AFDN: variants seen among roughly 807,000 people sequenced by gnomAD.
The protein encoded by AFDN is afadin, adherens junction formation factor, also known as afadin.
AFDN carries 68 observed loss-of-function variants against 216.6 expected under a neutral mutation model. The observed-to-expected ratio is 0.31, with a 90% CI of 0.26 to 0.38. The LOEUF is 0.38. Ranked by LOEUF, AFDN falls within the 10% of genes least tolerant of loss-of-function variation. The pLI is 1.00. For synonymous variants in AFDN, 868 were observed against 853.7 expected (o/e 1.02, Z -0.29); for missense variants, 2,136 against 2,342.0 (o/e 0.91, Z 1.82).
chr6:167,938,037 GGTAGCT>G (rs1794223099), intron 23 of AFDN, among the ~76,000 whole-genome samples: 2 of 152,274 alleles, frequency 1.3e-5, no homozygotes, highest in African/African-American at 2.4e-5. Flanking sequence ...CATTTGCAGA[GGTAGCT>G]GTAATGCAGG....
At chr6:167,967,472 T>TA (rs1175471601) in intron 32 of AFDN, among the ~76,000 whole-genome samples, 3 of 152,218 alleles carry the variant, frequency 2.0e-5, no homozygotes, top group Non-Finnish European at 2.9e-5. Context: ...TATCTACAAT[T>TA]TGGTACCTTT....
intron 1 of AFDN, among the ~76,000 whole-genome samples, chr6:167,845,989 AT>A (rs1190304123): frequency 6.6e-6 from 1 of 152,044 alleles, no homozygotes; most frequent in African/African-American, 2.4e-5. Flanking sequence ...CCAGATGCTT[AT>A]AAAACCATCA....
intron 9 of AFDN, among the ~76,000 whole-genome samples, chr6:167,896,532 G>A (rs1788271491): frequency 6.6e-6 from 1 of 152,228 alleles, no homozygotes. Context: ...GAAGGCCTGT[G>A]TGTCTTTGAT....
At chr6:167,887,177 T>C (rs1056965981) in intron 6 of AFDN, among the ~76,000 whole-genome samples, 2 of 152,150 alleles carry the variant, frequency 1.3e-5, no homozygotes, top group African/African-American at 4.8e-5. Flanking sequence ...ATCTTTTTCT[T>C]TTCAGTAATT....
In AFDN at chr6:167,947,960, A is replaced by C. The variant is rs2128662088; in HGVS notation, c.3645+16A>C. The C allele has an allele frequency of 1.3e-6, 2 of 1,578,908 alleles. No individual in the cohort carries two copies. Among genetic ancestry groups the C allele is most frequent in the East Asian group, 4.5e-5 (2 of 44,690 alleles). On this transcript the variant is annotated intron_variant, in intron 28 of 33. Coordinates refer to ENST00000683244, the MANE Select transcript of AFDN (RefSeq NM_001386888.1). ...CTGCACTGAGGTCTGATTGATTGAT[A>C]AGCAAAAGGCTTCTACTGCATTTCC...
chr6:167,831,454 G>C (rs899879632), intron 1 of AFDN, among the ~76,000 whole-genome samples: 5 of 152,108 alleles, frequency 3.3e-5, no homozygotes, highest in African/African-American at 1.2e-4. Context: ...GATTCGGTGT[G>C]TTCTTGTAAG....
chr6:167,944,682 T>C (rs1025501201), intron 26 of AFDN, among the ~76,000 whole-genome samples: 1 of 152,210 alleles, frequency 6.6e-6, no homozygotes, highest in Non-Finnish European at 1.5e-5. Flanking sequence ...TGTAGCCTAT[T>C]GCTCCTAGGC....
chr6:167,864,826 T>C (rs1783989447), intron 2 of AFDN, 80 bp downstream of exon 2: 3 of 1,414,990 alleles, frequency 2.1e-6, no homozygotes, highest in East Asian at 2.3e-5. Flanking sequence ...ATTGTGGTCA[T>C]GTCAGGTTTA....
chr6:167,861,047 G>A (rs1783507303), intron 1 of AFDN, among the ~76,000 whole-genome samples: 1 of 152,116 alleles, frequency 6.6e-6, no homozygotes, highest in Non-Finnish European at 1.5e-5. Flanking sequence ...GCTAGGTGTT[G>A]GTGGTCAGTG....
intron 7 of AFDN, among the ~76,000 whole-genome samples, chr6:167,890,399 G>A (rs569922995): frequency 3.3e-5 from 5 of 152,212 alleles, no homozygotes; most frequent in East Asian, 1.9e-4. Flanking sequence ...AGGCTTTTGC[G>A]GGAACAGGCG....
intron 23 of AFDN, among the ~76,000 whole-genome samples, chr6:167,939,899 T>C (rs1181958890): frequency 1.3e-5 from 2 of 152,250 alleles, no homozygotes; most frequent in African/African-American, 4.8e-5. Context: ...TATTCTTTTC[T>C]AAGTGATATG....
Position 167,922,905 on chromosome 6 carries a change from A to G in AFDN, c.2958A>G (p.Ile986Met). The change falls in exon 22 of 34, where the codon ATA becomes ATG. Residue 986 changes from isoleucine to methionine, a missense_variant. Physicochemically the swap from Ile to Met is conservative, Grantham distance 10. This residue lies in a region of AFDN where 162 missense variants were observed against 182.6 expected (regional missense o/e 0.89). Transcript: ENST00000683244. ...CACGTTCACCAGGTACTTGGACAAT[A>G]TATTTTGAAGGTGCAGATTATGAAA... ...PHTRSPGTWT[I>M]YFEGADYESH... The G allele has an allele frequency of 6.2e-7, 1 of 1,613,390 alleles. No homozygotes were observed. Among genetic ancestry groups the G allele is most frequent in the Non-Finnish European group, 8.5e-7 (1 of 1,179,752 alleles).
rs556213586 is a variant in AFDN at position 167,875,625 on chromosome 6, TATAC to T, written c.739+131_739+134del. On this transcript the variant is annotated intron_variant, in intron 5 of 33. Transcript: ENST00000683244. ...ACCTTTTCATAACAAATGTGTACCA[TATAC>T]TTCTGGTACAAAATCAGCCTACCCT... 6.0e-5 allele frequency: 56 copies of T among 932,956 alleles called. 1 individual carries two copies. In the African/African-American group the frequency reaches 8.4e-4, roughly 14 times the overall value. 57.8% of individuals were successfully genotyped at this position (932,956 alleles called of 1,614,324 possible).
In AFDN at chr6:167,938,344, C is replaced by G. The variant is rs1312896179; in HGVS notation, c.3100-4785C>G. 2.6e-5 allele frequency among the ~76,000 whole-genome samples: 4 copies of G among 152,264 alleles called. No homozygotes were observed. The South Asian group carries it at 8.3e-4, about 32-fold the overall frequency. ...AGCTGTGAATAACTTATGCAGGAAG[C>G]TGCTGTGAATTTTTACAGCAGCTGG... is the stretch of plus-strand genomic sequence containing the variant. On this transcript the variant is annotated intron_variant, in intron 23 of 33. Coordinates refer to ENST00000683244, the MANE Select transcript of AFDN (RefSeq NM_001386888.1).
At chr6:167,848,338 G>A (rs991600377) in intron 1 of AFDN, among the ~76,000 whole-genome samples, 2 of 151,994 alleles carry the variant, frequency 1.3e-5, no homozygotes, top group Non-Finnish European at 2.9e-5. Flanking sequence ...AAAGTTTAAG[G>A]AATTAAGAGT....
At chr6:167,968,492 T>C (rs1015794419) in intron 32 of AFDN, 1 of 152,364 alleles carries the variant, frequency 6.6e-6, no homozygotes, top group Non-Finnish European at 1.5e-5. Context: ...TGTACTACTT[T>C]TGTGGCCTGT....
At chr6:167,936,031 T>C (rs1793957136) in intron 23 of AFDN, among the ~76,000 whole-genome samples, 1 of 152,198 alleles carries the variant, frequency 6.6e-6, no homozygotes, top group Admixed American at 6.5e-5. Context: ...GTGAAGTTAA[T>C]TTTAATACCA....
chr6:167,947,717 GA>G, intron 27 of AFDN, 135 bp from the exon 28 acceptor site: 2 of 561,748 alleles, frequency 3.6e-6, no homozygotes, highest in Non-Finnish European at 6.2e-6. Context: ...TACCTGCCTT[GA>G]TTTTTTTTTT....
At chr6:167,844,158 C>G (rs544691800) in intron 1 of AFDN, among the ~76,000 whole-genome samples, 1 of 149,462 alleles carries the variant, frequency 6.7e-6, no homozygotes, top group African/African-American at 2.5e-5. Context: ...CAGTTTTGCT[C>G]TTGTAGACTC....
Sources: gnomAD v4.1 joint callset for allele counts (sites outside exome capture counted in the v4.1 genomes callset) on GRCh38, gnomAD v4.1.1 for gene constraint, gnomAD v4.1.1 regional missense constraint, MANE v1.5 for transcripts, NCBI Gene and HGNC (gene_info 2026-07-23, HGNC 2026-07-21) for gene names.